The following NR2C2 variants were observed in gnomAD, a reference collection of about 807,000 sequenced individuals.
NR2C2 encodes Nuclear hormone receptor TR4.
Under a neutral mutation model 62.9 loss-of-function variants are expected in NR2C2, and 6 were observed. The observed-to-expected ratio is 0.10, with a 90% CI of 0.05 to 0.19. NR2C2 has a LOEUF of 0.19. Among genes scored for constraint, NR2C2 ranks in the 10% least tolerant of loss-of-function variants. The pLI, the probability that NR2C2 is intolerant of heterozygous loss-of-function variation, is 1.00. For missense variants in NR2C2, 479 were observed against 762.7 expected (o/e 0.63, Z 4.38); for synonymous variants, 272 against 273.8 (o/e 0.99, Z 0.07).
Position 15,013,642 on chromosome 3 carries a change from C to A in NR2C2, c.126C>A (p.Asp42Glu). The A allele has an allele frequency of 6.2e-7, 1 of 1,614,126 alleles. No individual in the cohort carries two copies. The highest frequency in any genetic ancestry group is 1.1e-5 in the South Asian group (1 of 91,088). ...AAATCCAGATAGTCACCGCAGTGGA[C>A]GCCTCCGGATCCCCCAAACAGCAGT... ...GQKIQIVTAV[D>E]ASGSPKQQFI... The change falls in exon 3 of 14, where the codon GAC becomes GAA. Residue 42 changes from aspartate (D) to glutamate (E), a missense_variant. Physicochemically the swap from Asp to Glu is conservative, Grantham distance 45. This residue lies in a region of NR2C2 where 115 missense variants were observed against 152.3 expected (regional missense o/e 0.76). Coordinates refer to ENST00000425241, the MANE Select transcript of NR2C2 (RefSeq NM_001291694.2).
chr3:15,022,398 C>CTTT (rs71038450), intron 5 of NR2C2, among the ~76,000 whole-genome samples: 266 of 88,810 alleles, frequency 3.0e-3, no homozygotes, highest in Non-Finnish European at 3.7e-3. Flanking sequence ...CTTTTTCTTT[C>CTTT]TTTTTTTTTT....
intron 9 of NR2C2, among the ~76,000 whole-genome samples, chr3:15,031,959 C>G (rs2041991927): frequency 6.6e-6 from 1 of 152,116 alleles, no homozygotes; most frequent in Non-Finnish European, 1.5e-5. Flanking sequence ...GAACTCCTGA[C>G]ATCAGGTGAT....
intron 1 of NR2C2, chr3:14,959,685 G>A (rs1440091714): frequency 1.3e-5 from 2 of 152,184 alleles, no homozygotes; most frequent in African/African-American, 4.8e-5. Flanking sequence ...CTCAATTCAA[G>A]TGTATAAAGA....
At chr3:14,950,102 A>G (rs745322987) in intron 1 of NR2C2, among the ~76,000 whole-genome samples, 13 of 152,272 alleles carry the variant, frequency 8.5e-5, no homozygotes, top group South Asian at 2.1e-4. Context: ...AAATAGAGTT[A>G]TTGTTGTCAT....
intron 1 of NR2C2, among the ~76,000 whole-genome samples, chr3:14,952,510 A>C (rs2039396714): frequency 6.6e-6 from 1 of 152,198 alleles, no homozygotes; most frequent in Admixed American, 6.5e-5. Context: ...CAGAATTGGA[A>C]GTGGTCTAGA....
intron 1 of NR2C2, among the ~76,000 whole-genome samples, chr3:14,990,723 A>G (rs1412905465): frequency 1.3e-5 from 2 of 152,214 alleles, no homozygotes; most frequent in Non-Finnish European, 1.5e-5. Flanking sequence ...AGACTGCAGT[A>G]TTGAAGTCTA....
intron 1 of NR2C2, among the ~76,000 whole-genome samples, chr3:14,979,543 T>C (rs945867896): frequency 1.1e-4 from 17 of 152,284 alleles, no homozygotes; most frequent in Admixed American, 9.8e-4. Context: ...GGAATTACTG[T>C]CTAAGCACAT....
chr3:14,964,936 C>T (rs192770523), intron 1 of NR2C2, among the ~76,000 whole-genome samples: 1 of 152,142 alleles, frequency 6.6e-6, no homozygotes, highest in African/African-American at 2.4e-5. Context: ...CAGAAACACT[C>T]CTGGCCAGGA....
rs1445579063 is a variant in NR2C2 at position 15,016,134 on chromosome 3, T to C, written c.274-18T>C. 6.2e-7 allele frequency: 1 copy of C among 1,603,414 alleles called. No homozygotes were observed. Among genetic ancestry groups the C allele is most frequent in the African/African-American group, 1.3e-5 (1 of 74,700 alleles). ...GATTTTTAATTGGCACCCCTGTTCG[T>C]TTCCTGATTTCTCTCAGATTGTCAC... On this transcript the variant is annotated intron_variant, in intron 3 of 13. Coordinates refer to ENST00000425241, the MANE Select transcript of NR2C2 (RefSeq NM_001291694.2).
At chr3:15,009,266 T>C (rs1354079680) in intron 2 of NR2C2, among the ~76,000 whole-genome samples, 1 of 152,112 alleles carries the variant, frequency 6.6e-6, no homozygotes, top group Non-Finnish European at 1.5e-5. Context: ...GAAAAAGCCT[T>C]GTAGATTCTT....
intron 1 of NR2C2, among the ~76,000 whole-genome samples, chr3:14,998,866 G>C (rs950102898): frequency 6.6e-6 from 1 of 151,972 alleles, no homozygotes; most frequent in Non-Finnish European, 1.5e-5. Flanking sequence ...TTAAAATTAG[G>C]TGGCGCACGC....
At chr3:15,012,589 G>C (rs2041387322) in intron 2 of NR2C2, among the ~76,000 whole-genome samples, 1 of 152,046 alleles carries the variant, frequency 6.6e-6, no homozygotes, top group South Asian at 2.1e-4. Context: ...TGTGCTGTAG[G>C]AAACTGAGTT....
intron 1 of NR2C2, among the ~76,000 whole-genome samples, chr3:14,986,766 A>G (rs187874279): frequency 1.4e-4 from 21 of 152,382 alleles, no homozygotes; most frequent in African/African-American, 4.8e-4. Flanking sequence ...AGCATCTGCT[A>G]TGGGAGAAGA....
At chr3:14,965,412 T>G (rs1302514914) in intron 1 of NR2C2, among the ~76,000 whole-genome samples, 3 of 151,946 alleles carry the variant, frequency 2.0e-5, no homozygotes, top group African/African-American at 7.2e-5. Context: ...ATGTAAGTTC[T>G]TTGTATGCAT....
intron 13 of NR2C2, among the ~76,000 whole-genome samples, chr3:15,040,789 A>G (rs2042238038): frequency 6.6e-6 from 1 of 152,250 alleles, no homozygotes; most frequent in Non-Finnish European, 1.5e-5. Context: ...CAATACATAG[A>G]GAATGGGACT....
intron 11 of NR2C2, among the ~76,000 whole-genome samples, chr3:15,037,784 AT>A (rs2042145834): frequency 6.6e-6 from 1 of 152,200 alleles, no homozygotes; most frequent in Admixed American, 6.5e-5. Context: ...TGGTCTAGGG[AT>A]TTGTTATTGA....
intron 1 of NR2C2, among the ~76,000 whole-genome samples, chr3:14,964,595 A>G (rs1456282153): frequency 6.6e-6 from 1 of 151,564 alleles, no homozygotes; most frequent in Non-Finnish European, 1.5e-5. Flanking sequence ...GCTCACTGCA[A>G]GCTCTGCTTC....
At chr3:15,009,058 T>TA (rs1312681376) in intron 2 of NR2C2, among the ~76,000 whole-genome samples, 3 of 150,246 alleles carry the variant, frequency 2.0e-5, no homozygotes, top group Non-Finnish European at 4.5e-5. Context: ...CCATCTCTAC[T>TA]AAAAATACAA....
chr3:15,034,473 A>T (rs2042055853), intron 10 of NR2C2, 197 bp from the exon 11 acceptor site: 1 of 502,596 alleles, frequency 2.0e-6, no homozygotes, highest in East Asian at 3.3e-5. Flanking sequence ...TGATCATTAG[A>T]AGGATTTTAG....
Sources: allele counts gnomAD v4.1 joint callset (sites outside exome capture counted in the v4.1 genomes callset), GRCh38; gene constraint gnomAD v4.1.1; regional missense constraint gnomAD v4.1.1; transcripts MANE v1.5; gene names NCBI Gene and HGNC (gene_info 2026-07-23, HGNC 2026-07-21).